AGXT2: variants seen among roughly 807,000 people sequenced by gnomAD.
AGXT2 encodes the protein alanine--glyoxylate aminotransferase 2.
In AGXT2, 61 loss-of-function variants were observed where a neutral mutation model predicts 62.5. That is an observed-to-expected ratio of 0.98 (90% confidence interval 0.79 to 1.21). The LOEUF (loss-of-function observed/expected upper bound fraction) is 1.21, where lower values mean the gene tolerates loss of function less well. Ranked by LOEUF, AGXT2 falls within the 50% of genes most tolerant of loss-of-function variation. The probability of loss-of-function intolerance (pLI) is 0.00; values close to 1 mark genes in which losing one functional copy is unlikely to be tolerated. For missense variants in AGXT2, 666 were observed against 641.5 expected (o/e 1.04, Z -0.41); for synonymous variants, 243 against 218.7 (o/e 1.11, Z -0.98).
chr5:35,013,952 C>A, intron 10 of AGXT2, 35 bp downstream of exon 10: 1 of 1,613,706 alleles, frequency 6.2e-7, no homozygotes. Context: ...ATGTACGAGG[C>A]CCAGAAGCAA....
intron 7 of AGXT2, chr5:35,026,924 C>T: frequency 2.0e-6 from 2 of 984,862 alleles, no homozygotes; most frequent in Non-Finnish European, 2.4e-6. Flanking sequence ...CTTTCATTGC[C>T]ATTTAATCTG....
chr5:35,035,888 C>T (rs1014558899), intron 4 of AGXT2, among the ~76,000 whole-genome samples: 5 of 152,078 alleles, frequency 3.3e-5, no homozygotes, highest in African/African-American at 1.2e-4. Flanking sequence ...ATCAGCCTGG[C>T]CATCATGGTG....
At chr5:35,032,857 G>C in intron 6 of AGXT2, 32 bp from the exon 7 acceptor site, 3 of 1,565,188 alleles carry the variant, frequency 1.9e-6, no homozygotes, top group Non-Finnish European at 2.6e-6. Context: ...GTGTGGCAAA[G>C]CATGAACACA....
At chr5:35,013,099 C>G in intron 10 of AGXT2, 54 bp from the exon 11 acceptor site, 1 of 1,461,738 alleles carries the variant, frequency 6.8e-7, no homozygotes, top group Non-Finnish European at 9.4e-7. Context: ...TGTCCACAAT[C>G]TCTCATCGCG....
chr5:34,998,161 G>T lies in AGXT2; in HGVS notation c.*558C>A. 6.2e-6 allele frequency: 1 copy of T among 160,222 alleles called. No homozygotes were observed. The highest frequency in any genetic ancestry group is 1.4e-5 in the Non-Finnish European group (1 of 72,426). 9.9% of individuals were successfully genotyped at this position (160,222 alleles called of 1,614,324 possible). A position where few individuals can be genotyped will look rare whatever the true frequency, so the allele number is the denominator to read the frequency against. On this transcript the variant is annotated 3_prime_UTR_variant, in exon 14 of 14. Transcript: ENST00000231420. ...GAGGCCCTGAGGTAGGGTGGCTCCA[G>T]GAATGCTTAAGTGAGTGCTTCTTTG...
At chr5:35,031,937 A>T (rs1315631860) in intron 7 of AGXT2, among the ~76,000 whole-genome samples, 5 of 79,092 alleles carry the variant, frequency 6.3e-5, no homozygotes, top group East Asian at 4.1e-4. Flanking sequence ...TAGAGATGGG[A>T]TCTTGCTTTT....
At position 35,033,545 on chromosome 5, in the gene AGXT2, T is replaced by C; in HGVS notation, c.590A>G (p.Tyr197Cys). The C allele has an allele frequency of 6.2e-7, 1 of 1,613,336 alleles. No individual in the cohort carries two copies. Among genetic ancestry groups the C allele is most frequent in the Non-Finnish European group, 8.5e-7 (1 of 1,179,326 alleles). Residue 197 changes from tyrosine to cysteine, a missense_variant, in exon 6 of 14, where the codon TAC becomes TGC. Tyr to Cys is a radical substitution (Grantham distance 194, BLOSUM62 -2). Coordinates refer to ENST00000231420, the MANE Select transcript of AGXT2 (RefSeq NM_031900.4). ...AAGTGTGTAAGGACTGCATCCATGG[T>C]AGGCTCCTCTGCAGAGAAGAAACAA... The part of the protein sequence containing the change: ...NIDIISFRGA[Y>C]HGCSPYTLGL...
rs188277454 is a variant in AGXT2, at chr5:35,038,795, G to A, written c.362+529C>T. 3.0e-4 allele frequency among the ~76,000 whole-genome samples: 45 copies of A among 152,312 alleles called. No homozygotes were observed. The East Asian group carries it at 4.6e-3, about 16-fold the overall frequency. The stretch of plus-strand genomic sequence containing the variant: ...GGGTATCTGTGTGGGCGAGTATACC[G>A]TCAACACTGCAGACAATCTCTAGAT... On this transcript the variant is annotated intron_variant, in intron 3 of 13. Coordinates refer to ENST00000231420, the MANE Select transcript of AGXT2 (RefSeq NM_031900.4).
chr5:35,041,063 T>C (rs191217677), intron 1 of AGXT2, among the ~76,000 whole-genome samples: 8 of 152,144 alleles, frequency 5.3e-5, no homozygotes, highest in Admixed American at 3.3e-4. Context: ...GCCTGAATTC[T>C]AGTGTGTAGC....
intron 3 of AGXT2, 80 bp from the exon 4 acceptor site, chr5:35,037,145 A>G: frequency 1.3e-6 from 2 of 1,599,240 alleles, no homozygotes; most frequent in South Asian, 2.2e-5. Flanking sequence ...GGACCCAAAT[A>G]TACTGTTTTT....
chr5:35,030,393 C>T (rs905974959), intron 7 of AGXT2, among the ~76,000 whole-genome samples: 4 of 151,698 alleles, frequency 2.6e-5, no homozygotes, highest in Admixed American at 6.6e-5. Flanking sequence ...CTGTAATCCC[C>T]GCTACTCGGG....
intron 7 of AGXT2, among the ~76,000 whole-genome samples, chr5:35,030,872 G>A (rs751089465): frequency 3.9e-5 from 6 of 152,154 alleles, no homozygotes; most frequent in East Asian, 1.9e-4. Flanking sequence ...ATTCAAATAC[G>A]GCTTTACCAG....
At chr5:35,040,758 A>G (rs1767954971) in intron 1 of AGXT2, 95 bp from the exon 2 acceptor site, 2 of 959,690 alleles carry the variant, frequency 2.1e-6, no homozygotes. Context: ...TGCTTAGATA[A>G]TTTTATTTCT....
At chr5:35,002,211 A>G (rs946201063) in intron 13 of AGXT2, among the ~76,000 whole-genome samples, 4 of 87,814 alleles carry the variant, frequency 4.6e-5, no homozygotes, top group African/African-American at 1.2e-4. Context: ...CTGGACTAGA[A>G]AAAAAATCAC....
intron 13 of AGXT2, among the ~76,000 whole-genome samples, chr5:35,003,015 T>TA (rs1437842868): frequency 1.3e-5 from 2 of 152,164 alleles, no homozygotes; most frequent in Non-Finnish European, 1.5e-5. Flanking sequence ...GAGCAGAAGT[T>TA]ACCTTCTCTC....
At chr5:34,999,375 T>G (rs2112152997) in intron 13 of AGXT2, among the ~76,000 whole-genome samples, 1 of 152,314 alleles carries the variant, frequency 6.6e-6, no homozygotes, top group South Asian at 2.1e-4. Flanking sequence ...TCCTCCTTCC[T>G]TTCTACCCAG....
rs372008937 is a variant in AGXT2, at chr5:35,036,953, C to T, written c.475G>A (p.Glu159Lys). The T allele has an allele frequency of 3.5e-5, 56 of 1,614,094 alleles. 1 individual carries two copies. In the African/African-American group the frequency reaches 6.5e-4, roughly 19 times the overall value. ...YAEKLAALLPEPLKVIFLVNS... is the reference protein window; with the variant it reads ...YAEKLAALLPKPLKVIFLVNS... ...GAAGAGCATTGTACCTTAAGAGGCT[C>T]AGGAAGAAGTGCGGCAAGCTTCTCT... The change falls in exon 4 of 14, where the codon GAG becomes AAG. Residue 159 changes from glutamate (E) to lysine (K), a missense_variant. Transcript: ENST00000231420.
intron 11 of AGXT2, chr5:35,012,259 A>C (rs1221949920): frequency 6.6e-6 from 1 of 151,304 alleles, no homozygotes; most frequent in African/African-American, 2.4e-5. Context: ...ATATATAAAT[A>C]TATATGTGTA....
At chr5:35,011,964 G>T (rs1182769349) in intron 11 of AGXT2, among the ~76,000 whole-genome samples, 2 of 147,742 alleles carry the variant, frequency 1.4e-5, no homozygotes, top group African/African-American at 5.0e-5. Context: ...ACACGCCATG[G>T]AATACCACTC....
Sources: allele counts gnomAD v4.1 joint callset (sites outside exome capture counted in the v4.1 genomes callset), GRCh38; gene constraint gnomAD v4.1.1; transcripts MANE v1.5; gene names NCBI Gene and HGNC (gene_info 2026-07-23, HGNC 2026-07-21).